Variants in PFKP observed in about 807,000 individuals in gnomAD.
The protein encoded by PFKP is phosphofructokinase, platelet, also known as ATP-dependent 6-phosphofructokinase, platelet type.
Under a neutral mutation model 94.3 loss-of-function variants are expected in PFKP, and 101 were observed. The ratio of observed to expected loss-of-function variants is 1.07; its 90% CI spans 0.91 to 1.26. The LOEUF (loss-of-function observed/expected upper bound fraction) is 1.26. Ranked by LOEUF, PFKP falls within the 50% of genes most tolerant of loss-of-function variation. The pLI, the probability that PFKP is intolerant of heterozygous loss-of-function variation, is 0.00. For synonymous variants in PFKP, 573 were observed against 432.6 expected (o/e 1.32, Z -4.03); for missense variants, 1,145 against 1,103.3 (o/e 1.04, Z -0.53).
rs142132104 is a variant in PFKP, at chr10:3,109,375, G to T, written c.984G>T (p.Glu328Asp). Reference sequence around the variant, plus strand: ...TCCAGGCCAGCCGCATGGGAGTGGAGGCAGTCATCGCCTTGCTAGAGGCCA... The same window carrying T: ...TCCAGGCCAGCCGCATGGGAGTGGATGCAGTCATCGCCTTGCTAGAGGCCA... ...DRILASRMGV[E>D]AVIALLEATP... The change falls in exon 10 of 22, where the codon GAG becomes GAT. Residue 328 changes from glutamate to aspartate, a missense_variant. Transcript: ENST00000381125. 4 of 1,610,532 alleles carry T rather than the reference G, an allele frequency of 2.5e-6. No homozygotes were observed. In the South Asian group the frequency reaches 4.4e-5, roughly 18 times the overall value.
At chr10:3,072,863 G>A (rs1430904712) in intron 1 of PFKP, among the ~76,000 whole-genome samples, 6 of 152,086 alleles carry the variant, frequency 3.9e-5, no homozygotes, top group East Asian at 3.9e-4. Context: ...CAGATTGCAC[G>A]TTCACAATGG....
intron 17 of PFKP, among the ~76,000 whole-genome samples, chr10:3,130,635 C>T (rs7918168): frequency 0.39 from 58,984 of 152,036 alleles, 11,549 homozygotes; most frequent in African/African-American, 0.44. Context: ...TCTCGGCTTA[C>T]TGCAACCTCC....
At chr10:3,106,099 G>C (rs571616026) in intron 7 of PFKP, among the ~76,000 whole-genome samples, 19 of 152,310 alleles carry the variant, frequency 1.2e-4, no homozygotes, top group Admixed American at 5.2e-4. Flanking sequence ...GCTGGAGCCT[G>C]TGTGCAATAC....
At chr10:3,094,223 G>A (rs530307941) in intron 2 of PFKP, among the ~76,000 whole-genome samples, 4 of 152,276 alleles carry the variant, frequency 2.6e-5, no homozygotes, top group Admixed American at 6.5e-5. Flanking sequence ...AAGGGCGACC[G>A]GCCTCGCTCC....
In PFKP at chr10:3,079,415, T is replaced by C. The variant is rs1832851620; in HGVS notation, c.113-2973T>C. On this transcript the variant is annotated intron_variant, in intron 1 of 21. Coordinates refer to ENST00000381125, the MANE Select transcript of PFKP (RefSeq NM_002627.5). ...ACGCCTGGCTAATTTTTTGTATTTT[T>C]AGTAGAGACGGGGTTTCACCATGTT... is the stretch of plus-strand genomic sequence containing the variant. Among the ~76,000 whole-genome samples, 5 of 152,082 alleles carry C rather than the reference T, an allele frequency of 3.3e-5. No individual in the cohort carries two copies. In the South Asian group the frequency reaches 1.0e-3, roughly 32 times the overall value.
intron 2 of PFKP, 39 bp downstream of exon 2, chr10:3,082,500 AC>A: frequency 6.7e-7 from 1 of 1,486,398 alleles, no homozygotes; most frequent in Non-Finnish European, 9.3e-7. Flanking sequence ...CCCTTCTTCC[AC>A]CTGCCCAGAG....
intron 15 of PFKP, 109 bp from the exon 16 acceptor site, chr10:3,119,778 CCCCAG>C: frequency 1.9e-6 from 1 of 537,996 alleles, no homozygotes; most frequent in South Asian, 5.3e-5. Flanking sequence ...TTTCGTGATG[CCCCAG>C]TGTGCTCCCT....
At chr10:3,131,592 G>A (rs1838595621) in intron 17 of PFKP, among the ~76,000 whole-genome samples, 1 of 152,174 alleles carries the variant, frequency 6.6e-6, no homozygotes, top group African/African-American at 2.4e-5. Flanking sequence ...AAGTAGGTGG[G>A]ACTACAGGCA....
chr10:3,075,599 CA>C (rs1157706502), intron 1 of PFKP, among the ~76,000 whole-genome samples: 3 of 144,440 alleles, frequency 2.1e-5, no homozygotes, highest in African/African-American at 7.8e-5. Context: ...AAAGGCGGGG[CA>C]GGGGGCCGGG....
intron 2 of PFKP, among the ~76,000 whole-genome samples, chr10:3,085,876 A>G (rs553661970): frequency 1.1e-4 from 6 of 55,684 alleles, no homozygotes; most frequent in Admixed American, 4.5e-4. Context: ...TTGCACACAG[A>G]CTTCCAGAAG....
intron 18 of PFKP, among the ~76,000 whole-genome samples, chr10:3,132,743 C>G (rs1357593037): frequency 6.6e-6 from 1 of 152,112 alleles, no homozygotes; most frequent in East Asian, 1.9e-4. Flanking sequence ...GCCTCAGGGA[C>G]TGTGTCCCAA....
At chr10:3,091,937 C>T (rs1335914849) in intron 2 of PFKP, among the ~76,000 whole-genome samples, 3 of 152,192 alleles carry the variant, frequency 2.0e-5, no homozygotes, top group African/African-American at 4.8e-5. Flanking sequence ...ATCATTTTAT[C>T]GCTAGTTTTT....
chr10:3,134,573 C>G lies in PFKP; in HGVS notation c.2113C>G (p.Arg705Gly), dbSNP rs202088644. ...GATCACTGCAAAACTCAAGGAGGCC[C>G]GGGGCAGAGGTAAGGGGTCTGGGGA... ...EWITAKLKEA[R>G]GRGKKFTTDD... is the part of the protein sequence containing the mutation. Residue 705 changes from arginine to glycine, a missense_variant, in exon 20 of 22, where the codon CGG (arginine) becomes GGG (glycine). Coordinates refer to ENST00000381125, the MANE Select transcript of PFKP (RefSeq NM_002627.5). 1 of 1,611,182 alleles carries G rather than the reference C, an allele frequency of 6.2e-7. No homozygotes were observed. Among genetic ancestry groups the G allele is most frequent in the South Asian group, 1.1e-5 (1 of 91,022 alleles).
chr10:3,117,257 G>A (rs868506354), intron 14 of PFKP, among the ~76,000 whole-genome samples: 16 of 152,136 alleles, frequency 1.1e-4, no homozygotes, highest in Non-Finnish European at 1.8e-4. Context: ...GCTGTGACTC[G>A]AGGCTCAGAT....
At position 3,105,460 on chromosome 10, in the gene PFKP, G is replaced by A; in HGVS notation, c.733G>A (p.Glu245Lys). 1 of 1,614,066 alleles carries A rather than the reference G, an allele frequency of 6.2e-7. No homozygotes were observed. Among genetic ancestry groups the A allele is most frequent in the Non-Finnish European group, 8.5e-7 (1 of 1,179,956 alleles). The change falls in exon 7 of 22, where the codon GAG (glutamate) becomes AAG (lysine). Residue 245 changes from glutamate to lysine, a missense_variant. Physicochemically the swap from Glu to Lys is moderately conservative, Grantham distance 56. Coordinates refer to ENST00000381125, the MANE Select transcript of PFKP (RefSeq NM_002627.5). ...DWVFLPESPPEEGWEEQMCVK... is the reference protein window; with the variant it reads ...DWVFLPESPPKEGWEEQMCVK... Reference sequence around the variant, plus strand: ...GGTGTTCCTTCCAGAATCTCCACCAGAGGAAGGCTGGGAGGAGCAGATGTG... The same window carrying A: ...GGTGTTCCTTCCAGAATCTCCACCAAAGGAAGGCTGGGAGGAGCAGATGTG...
chr10:3,087,601 AG>A (rs1294206573), intron 2 of PFKP, among the ~76,000 whole-genome samples: 1 of 152,194 alleles, frequency 6.6e-6, no homozygotes, highest in Non-Finnish European at 1.5e-5. Flanking sequence ...GCACCTTCGA[AG>A]CTGTCTAGGA....
intron 1 of PFKP, chr10:3,068,543 G>A: frequency 2.5e-6 from 1 of 392,948 alleles, no homozygotes; most frequent in Non-Finnish European, 3.5e-6. Context: ...CGCGGGCTCC[G>A]GGCTTCCCTG....
chr10:3,110,702 TTG>T (rs1364176985), intron 10 of PFKP, among the ~76,000 whole-genome samples: 2 of 152,114 alleles, frequency 1.3e-5, no homozygotes, highest in Non-Finnish European at 1.5e-5. Context: ...GTGCGCAGGC[TTG>T]TGTCTCTGTG....
At chr10:3,117,695 G>C (rs1413502460) in intron 14 of PFKP, among the ~76,000 whole-genome samples, 1 of 152,154 alleles carries the variant, frequency 6.6e-6, no homozygotes, top group East Asian at 1.9e-4. Flanking sequence ...TAAAGCTCTA[G>C]GTAGAGGCAG....
Sources: gnomAD v4.1 joint callset for allele counts (sites outside exome capture counted in the v4.1 genomes callset) on GRCh38, gnomAD v4.1.1 for gene constraint, MANE v1.5 for transcripts, NCBI Gene and HGNC (gene_info 2026-07-23, HGNC 2026-07-21) for gene names.